Variants in PGAP6 observed in about 807,000 individuals in gnomAD.
PGAP6 encodes the protein post-GPI attachment to proteins 6.
PGAP6 carries 62 observed loss-of-function variants against 68.4 expected under a neutral mutation model. The observed-to-expected ratio is 0.91, with a 90% confidence interval of 0.74 to 1.12. PGAP6 has a LOEUF of 1.12. Ranked by LOEUF, PGAP6 falls within the 50% of genes most tolerant of loss-of-function variation. The probability of loss-of-function intolerance (pLI) is 0.00; values close to 1 mark genes in which losing one functional copy is unlikely to be tolerated. For synonymous variants in PGAP6, 575 were observed against 474.0 expected (o/e 1.21, Z -2.77); for missense variants, 1,188 against 1,068.5 (o/e 1.11, Z -1.56).
intron 1 of PGAP6, among the ~76,000 whole-genome samples, chr16:379,936 G>A (rs1200731041): frequency 1.3e-5 from 2 of 152,246 alleles, no homozygotes; most frequent in African/African-American, 4.8e-5. Flanking sequence ...CGGACACAGG[G>A]CTGGGTGGGG....
Position 370,856 on chromosome 16 carries a change from T to C in PGAP6, c.*1131A>G, listed in dbSNP as rs886129088. 2.0e-5 allele frequency: 3 copies of C among 152,362 alleles called. No homozygotes were observed. Among genetic ancestry groups the C allele is most frequent in the Non-Finnish European group, 2.9e-5 (2 of 68,204 alleles). 9.4% of individuals were successfully genotyped at this position (152,362 alleles called of 1,614,324 possible). On this transcript the variant is annotated 3_prime_UTR_variant, in exon 13 of 13. Coordinates refer to ENST00000431232, the MANE Select transcript of PGAP6 (RefSeq NM_021259.3). Reference sequence around the variant, plus strand: ...CAGATAGATCAGATCTACATAAAAATATGTCTTAATATCTTAGAATTTTCC... The same window carrying C: ...CAGATAGATCAGATCTACATAAAAACATGTCTTAATATCTTAGAATTTTCC...
chr16:384,717 G>A (rs890131227), upstream of PGAP6, among the ~76,000 whole-genome samples: 4 of 152,048 alleles, frequency 2.6e-5, no homozygotes, highest in Non-Finnish European at 5.9e-5. Context: ...TTAGCCGGGC[G>A]TGGTGGCAGG....
chr16:376,183 C>T lies in PGAP6; in HGVS notation c.1177G>A (p.Gly393Ser). 4 of 1,612,158 alleles carry T rather than the reference C, an allele frequency of 2.5e-6. No homozygotes were observed. The South Asian group carries it at 3.3e-5, about 13-fold the overall frequency. ...PSVMRLRLNTGMDSGGSLTIS... is the reference protein window; with the variant it reads ...PSVMRLRLNTSMDSGGSLTIS... ...GTGAGGGAACCCCCGCTGTCCATGC[C>T]GGTGTTCAGGCGCAGCCGCATCACG... is the stretch of plus-strand genomic sequence containing the variant. The change falls in exon 6 of 13, where the codon GGC becomes AGC. Residue 393 changes from glycine to serine, a missense_variant. Transcript: ENST00000431232.
chr16:377,839 A>C lies in PGAP6; in HGVS notation c.131T>G (p.Leu44Arg). The change falls in exon 2 of 13, where the codon CTG becomes CGG. Residue 44 changes from leucine to arginine, a missense_variant. Physicochemically the swap from Leu to Arg is moderately radical, Grantham distance 102. Transcript: ENST00000431232. ...GGCCTGCGAGAAGTGCTCGGACACC[A>C]GCCCCACCTCTGTGAGGAGAAGGAG... ...AGYSGKSEVGLVSEHFSQAPQ... is the reference protein window; with the variant it reads ...AGYSGKSEVGRVSEHFSQAPQ... The C allele has an allele frequency of 1.3e-6, 2 of 1,557,640 alleles. No individual in the cohort carries two copies. Among genetic ancestry groups the C allele is most frequent in the Non-Finnish European group, 1.7e-6 (2 of 1,151,222 alleles).
Position 371,260 on chromosome 16 carries a change from G to T in PGAP6, c.*727C>A, listed in dbSNP as rs1164808894. 1 of 152,460 alleles carries T rather than the reference G, an allele frequency of 6.6e-6. No homozygotes were observed. Among genetic ancestry groups the T allele is most frequent in the Non-Finnish European group, 1.5e-5 (1 of 68,244 alleles). 9.4% of individuals were successfully genotyped at this position (152,460 alleles called of 1,614,324 possible). A position where few individuals can be genotyped will look rare whatever the true frequency, so the allele number is the denominator to read the frequency against. The stretch of plus-strand genomic sequence containing the variant: ...TGGGACCAAGAGGAAGCTCCCAGAG[G>T]GGGGCCCAGGAACGCTGGGGTGGGT... On this transcript the variant is annotated 3_prime_UTR_variant, in exon 13 of 13. Coordinates refer to ENST00000431232, the MANE Select transcript of PGAP6 (RefSeq NM_021259.3).
chr16:379,655 C>T (rs747818446), intron 1 of PGAP6, among the ~76,000 whole-genome samples: 1 of 152,196 alleles, frequency 6.6e-6, no homozygotes, highest in Non-Finnish European at 1.5e-5. Context: ...GGCCCTGGAG[C>T]GCCAGCCTGA....
At chr16:386,159 C>T (rs1172671366), upstream of PGAP6, among the ~76,000 whole-genome samples, 3 of 152,036 alleles carry the variant, frequency 2.0e-5, no homozygotes, top group East Asian at 5.8e-4. Flanking sequence ...GAGCAGCTTT[C>T]CACAGTCGGT....
At chr16:384,564 T>TAATG (rs2054469077), upstream of PGAP6, among the ~76,000 whole-genome samples, 1 of 152,144 alleles carries the variant, frequency 6.6e-6, no homozygotes, top group Admixed American at 6.6e-5. Flanking sequence ...CATTAAAATG[T>TAATG]AATGGAGAGG....
rs2054339378 is a variant in PGAP6, at chr16:372,151, A to G, written c.2152T>C (p.Tyr718His). Reference protein sequence around the residue: ...IYTSMMTSDNYYYTHSIWHIL... With the variant: ...IYTSMMTSDNHYYTHSIWHIL... ...TGCCAGATGCTGTGGGTGTAGTAGTAGTTGTCGCTAGTCATCATGGAGGTG... is the reference window on the plus strand; with the variant it reads ...TGCCAGATGCTGTGGGTGTAGTAGTGGTTGTCGCTAGTCATCATGGAGGTG... The change falls in exon 13 of 13, where the codon TAC (tyrosine) becomes CAC (histidine). Residue 718 changes from tyrosine (Y) to histidine (H), a missense_variant. Coordinates refer to ENST00000431232, the MANE Select transcript of PGAP6 (RefSeq NM_021259.3). 2 of 1,612,722 alleles carry G rather than the reference A, an allele frequency of 1.2e-6. No individual in the cohort carries two copies. Among genetic ancestry groups the G allele is most frequent in the Non-Finnish European group, 1.7e-6 (2 of 1,179,928 alleles).
intron 3 of PGAP6, 56 bp from the exon 4 acceptor site, chr16:377,220 C>A: frequency 3.1e-6 from 5 of 1,609,792 alleles, no homozygotes; most frequent in Middle Eastern, 1.7e-4. Context: ...GGTGTGAGGG[C>A]ATGGTCTCAC....
At position 376,626 on chromosome 16, in the gene PGAP6, C is replaced by T; in HGVS notation, c.822G>A (p.Trp274Ter). 1 of 1,601,674 alleles carries T rather than the reference C, an allele frequency of 6.2e-7. No homozygotes were observed. Among genetic ancestry groups the T allele is most frequent in the South Asian group, 1.1e-5 (1 of 89,884 alleles). Residue 274 changes from tryptophan to a stop codon, truncating the protein, a stop_gained, in exon 5 of 13, where the codon TGG becomes TGA. Coordinates refer to ENST00000431232, the MANE Select transcript of PGAP6 (RefSeq NM_021259.3). LOFTEE classifies it high-confidence loss of function. ...PCRLLLPSPP[W>*]DRWLQVTAES... ...CAGCTGTCACTTGCAGCCACCGGTC[C>T]CAGGGCGGTGAGGGCAGCAGCAGGC...
chr16:386,916 C>T (rs1172868529), upstream of PGAP6: 1 of 602,544 alleles, frequency 1.7e-6, no homozygotes, highest in East Asian at 3.8e-5. Context: ...GCCCAAGACA[C>T]TGCGACGCCG....
chr16:382,225 G>A (rs2054450460), upstream of PGAP6: 1 of 393,280 alleles, frequency 2.5e-6, no homozygotes, highest in Non-Finnish European at 4.5e-6. Flanking sequence ...GGCGCGCTCG[G>A]AACACGCAGG....
upstream of PGAP6, among the ~76,000 whole-genome samples, chr16:384,925 G>A (rs558001544): frequency 6.6e-6 from 1 of 151,632 alleles, no homozygotes; most frequent in Non-Finnish European, 1.5e-5. Flanking sequence ...CACTTTGGGA[G>A]GCTAAGGTGG....
upstream of PGAP6, among the ~76,000 whole-genome samples, chr16:386,054 C>A (rs1262738197): frequency 1.3e-5 from 2 of 152,158 alleles, no homozygotes; most frequent in African/African-American, 4.8e-5. Context: ...GGAAGACCCT[C>A]AAGCCCCCTC....
At chr16:377,901 G>C in intron 1 of PGAP6, 53 bp from the exon 2 acceptor site, 3 of 1,467,350 alleles carry the variant, frequency 2.0e-6, no homozygotes, top group Non-Finnish European at 2.8e-6. Flanking sequence ...CAGGGCCGCA[G>C]ATGGGGAGGA....
At chr16:386,974 T>C (rs1451364514), upstream of PGAP6, 3 of 566,558 alleles carry the variant, frequency 5.3e-6, no homozygotes, top group African/African-American at 5.6e-5. Flanking sequence ...AGAAACAAGC[T>C]TGGCCACTAT....
chr16:380,241 G>A (rs2054425507), intron 1 of PGAP6, among the ~76,000 whole-genome samples: 2 of 152,158 alleles, frequency 1.3e-5, no homozygotes, highest in South Asian at 2.1e-4. Flanking sequence ...TATTTCTGAG[G>A]GTCTCACTCT....
intron 3 of PGAP6, 90 bp downstream of exon 3, chr16:377,288 G>A: frequency 6.4e-7 from 1 of 1,569,782 alleles, no homozygotes. Flanking sequence ...GTGGAGCCTA[G>A]AGCGAGGACC....
Sources: allele counts gnomAD v4.1 joint callset (sites outside exome capture counted in the v4.1 genomes callset), GRCh38; gene constraint gnomAD v4.1.1; transcripts MANE v1.5; gene names NCBI Gene and HGNC (gene_info 2026-07-23, HGNC 2026-07-21).